NUP155: variants seen among roughly 807,000 people sequenced by gnomAD.
NUP155 encodes the protein nuclear pore complex protein Nup155.
Under a neutral mutation model 180.4 loss-of-function variants are expected in NUP155, and 71 were observed. The observed-to-expected ratio is 0.39, with a 90% CI of 0.33 to 0.48. The LOEUF (loss-of-function observed/expected upper bound fraction) is 0.48. NUP155 is among the 20% of genes least tolerant of loss of function. The pLI is 0.91. For synonymous variants in NUP155, 582 were observed against 559.5 expected (o/e 1.04, Z -0.57); for missense variants, 1,553 against 1,648.9 (o/e 0.94, Z 1.01).
At chr5:37,329,381 A>G in intron 15 of NUP155, 103 bp from the exon 16 acceptor site, 1 of 845,276 alleles carries the variant, frequency 1.2e-6, no homozygotes, top group Non-Finnish European at 2.0e-6. Flanking sequence ...TAAATGCTTT[A>G]AACATTAGAG....
In NUP155 at chr5:37,305,136, G is replaced by A. The variant is rs143230818; in HGVS notation, c.2978C>T (p.Pro993Leu). 3 of 1,613,794 alleles carry A rather than the reference G, an allele frequency of 1.9e-6. No individual in the cohort carries two copies. Among genetic ancestry groups the A allele is most frequent in the Non-Finnish European group, 2.5e-6 (3 of 1,179,948 alleles). Residue 993 changes from proline (P) to leucine (L), a missense_variant, in exon 26 of 35, where the codon CCC becomes CTC. Coordinates refer to ENST00000231498, the MANE Select transcript of NUP155 (RefSeq NM_153485.3). ...AGGACCAGGTTTTTTGGGTACACTG[G>A]GAGACTGAGGAGCGGCCTTACTTTG... ...VNQSKAAPQS[P>L]SVPKKPGPPV...
chr5:37,370,566 A>T, intron 1 of NUP155: 1 of 1,048,164 alleles, frequency 9.5e-7, no homozygotes, highest in Non-Finnish European at 1.3e-6. Flanking sequence ...AAGCTCATTA[A>T]GGTTGAGGTC....
intron 29 of NUP155, among the ~76,000 whole-genome samples, chr5:37,302,112 C>A (rs1742895262): frequency 6.6e-6 from 1 of 152,122 alleles, no homozygotes; most frequent in Non-Finnish European, 1.5e-5. Flanking sequence ...GTTTTTGATT[C>A]TCTTAGTTAG....
At chr5:37,314,112 A>G (rs1365235042) in intron 22 of NUP155, 86 bp downstream of exon 22, 2 of 932,782 alleles carry the variant, frequency 2.1e-6, no homozygotes, top group East Asian at 5.3e-5. Flanking sequence ...GCTTCCCAAA[A>G]TAATCCCCTC....
chr5:37,335,625 A>T (rs1745281087), intron 12 of NUP155, among the ~76,000 whole-genome samples: 1 of 152,150 alleles, frequency 6.6e-6, no homozygotes, highest in Non-Finnish European at 1.5e-5. Context: ...AAAAATAAGA[A>T]TGTTTTCTTA....
In NUP155 at chr5:37,298,879, A is replaced by C; in HGVS notation, c.3782T>G (p.Phe1261Cys). Residue 1261 changes from phenylalanine (F) to cysteine (C), a missense_variant, in exon 32 of 35, where the codon TTC (phenylalanine) becomes TGC (cysteine). Coordinates refer to ENST00000231498, the MANE Select transcript of NUP155 (RefSeq NM_153485.3). ...LGKIYAGTPR[F>C]FPLDFIVQFL... ...AGATCACAGCTTACCTAAAGGAAAG[A>C]AGCGTGGTGTGCCAGCATAAATTTT... 2 of 1,593,314 alleles carry C rather than the reference A, an allele frequency of 1.3e-6. No homozygotes were observed. Among genetic ancestry groups the C allele is most frequent in the Non-Finnish European group, 1.7e-6 (2 of 1,161,054 alleles).
chr5:37,341,479 A>C (rs1289858364), intron 10 of NUP155, among the ~76,000 whole-genome samples: 1 of 152,172 alleles, frequency 6.6e-6, no homozygotes, highest in Non-Finnish European at 1.5e-5. Context: ...CTCCTGCCTT[A>C]GCCTCCCAGG....
chr5:37,350,478 G>A (rs538254622), intron 6 of NUP155, among the ~76,000 whole-genome samples: 1 of 152,152 alleles, frequency 6.6e-6, no homozygotes, highest in South Asian at 2.1e-4. Flanking sequence ...TACTGACAAG[G>A]AAAGAATTTC....
intron 33 of NUP155, 140 bp downstream of exon 33, chr5:37,294,189 A>G (rs1240173846): frequency 5.0e-6 from 3 of 604,932 alleles, no homozygotes; most frequent in Non-Finnish European, 8.7e-6. Context: ...AAAAGTCAAA[A>G]GCATAATTTC....
rs182391695 is a variant in NUP155, at chr5:37,308,612, G to A, written c.2767+517C>T. Among the ~76,000 whole-genome samples, 580 of 151,942 alleles carry A rather than the reference G, an allele frequency of 3.8e-3. 7 individuals are homozygous for A. Among genetic ancestry groups the A allele is most frequent in the African/African-American group, 0.011 (451 of 41,448 alleles). ...ACTTGGGAGGCTGAGGCAGAATGGC[G>A]TGAACCTGGGAGGCAGAGCTTGCAG... On this transcript the variant is annotated intron_variant, in intron 24 of 34. Coordinates refer to ENST00000231498, the MANE Select transcript of NUP155 (RefSeq NM_153485.3).
In NUP155 at chr5:37,325,040, A is replaced by G. The variant is rs1053433949; in HGVS notation, c.2091+861T>C. On this transcript the variant is annotated intron_variant, in intron 19 of 34. Transcript: ENST00000231498. Reference sequence around the variant, plus strand: ...GTGGCGCGCACCTGTAATCCCAGCTACTCGTGAGGCTGTGGCAGAAGAATC... The same window carrying G: ...GTGGCGCGCACCTGTAATCCCAGCTGCTCGTGAGGCTGTGGCAGAAGAATC... Among the ~76,000 whole-genome samples, 3 of 152,128 alleles carry G rather than the reference A, an allele frequency of 2.0e-5. No homozygotes were observed. In the East Asian group the frequency reaches 5.8e-4, roughly 29 times the overall value.
Position 37,310,537 on chromosome 5 carries a change from A to T in NUP155, c.2628+15T>A. 1 of 1,595,014 alleles carries T rather than the reference A, an allele frequency of 6.3e-7. No individual in the cohort carries two copies. The highest frequency in any genetic ancestry group is 1.3e-5 in the African/African-American group (1 of 74,666). ...TCTTATAACAAACAATGAAATAGGTAATAAAGTATCATACCTTAGAACAAA... is the reference window on the plus strand; with the variant it reads ...TCTTATAACAAACAATGAAATAGGTTATAAAGTATCATACCTTAGAACAAA... On this transcript the variant is annotated intron_variant, in intron 23 of 34. Coordinates refer to ENST00000231498, the MANE Select transcript of NUP155 (RefSeq NM_153485.3).
At chr5:37,358,548 C>A in intron 3 of NUP155, among the ~76,000 whole-genome samples, 1 of 152,122 alleles carries the variant, frequency 6.6e-6, no homozygotes, top group Non-Finnish European at 1.5e-5. Flanking sequence ...GAGACAAGGT[C>A]CAGCTCTGTC....
intron 1 of NUP155, among the ~76,000 whole-genome samples, chr5:37,368,376 T>C (rs1312660051): frequency 6.6e-6 from 1 of 151,926 alleles, no homozygotes; most frequent in Non-Finnish European, 1.5e-5. Context: ...TGTGTCACCA[T>C]GCCAAGCTAA....
Position 37,341,208 on chromosome 5 carries a change from T to C in NUP155, c.1128A>G (p.Arg376=), listed in dbSNP as rs1162203284. 8 of 1,614,040 alleles carry C rather than the reference T, an allele frequency of 5.0e-6. No individual in the cohort carries two copies. The highest frequency in any genetic ancestry group is 1.1e-5 in the South Asian group (1 of 91,086). The part of the protein sequence containing the change: ...VRLYFSTCPF[R]QPLARPNTLT... ...GTGTATTAGGCCGTGCTAATGGCTG[T>C]CTGAATGGACAAGTGCTAAAATATA... The change falls in exon 11 of 35, where the codon AGA becomes AGG. Residue 376 remains arginine (R), a synonymous_variant. Transcript: ENST00000231498.
chr5:37,355,909 T>G, intron 4 of NUP155, among the ~76,000 whole-genome samples: 1 of 151,480 alleles, frequency 6.6e-6, no homozygotes, highest in East Asian at 2.0e-4. Flanking sequence ...ATCAATCAAT[T>G]CTCCTTCCTA....
At chr5:37,320,958 G>A (rs1447513370) in intron 20 of NUP155, among the ~76,000 whole-genome samples, 1 of 152,148 alleles carries the variant, frequency 6.6e-6, no homozygotes, top group African/African-American at 2.4e-5. Flanking sequence ...TGGTGTTTAA[G>A]GTAGAGAGAG....
intron 4 of NUP155, among the ~76,000 whole-genome samples, chr5:37,356,527 T>C (rs1246843314): frequency 1.3e-5 from 2 of 151,740 alleles, no homozygotes; most frequent in Admixed American, 1.3e-4. Flanking sequence ...TAATCCCAGC[T>C]ACTTGAGAGG....
intron 3 of NUP155, among the ~76,000 whole-genome samples, chr5:37,363,634 C>T (rs535729877): frequency 4.6e-5 from 7 of 152,314 alleles, no homozygotes; most frequent in South Asian, 2.1e-4. Flanking sequence ...CGGGCTCCTG[C>T]CACTCAAGAA....
Sources: gnomAD v4.1 joint callset for allele counts (sites outside exome capture counted in the v4.1 genomes callset) on GRCh38, gnomAD v4.1.1 for gene constraint, MANE v1.5 for transcripts, NCBI Gene and HGNC (gene_info 2026-07-23, HGNC 2026-07-21) for gene names.